The following SUSD5 variants were observed in gnomAD, a reference collection of about 807,000 sequenced individuals.
SUSD5 encodes the protein sushi domain containing 5.
A neutral mutation model predicts 29.5 loss-of-function variants in SUSD5; 33 were observed. That is an observed-to-expected ratio of 1.12 (90% CI 0.85 to 1.49). The LOEUF is 1.49. Ranked by LOEUF, SUSD5 falls within the 40% of genes most tolerant of loss-of-function variation. SUSD5 has a pLI of 0.00. For missense variants in SUSD5, 776 were observed against 800.6 expected, an observed-to-expected ratio of 0.97 and a Z score of 0.37; for synonymous variants, 308 against 325.3, an observed-to-expected ratio of 0.95 and a Z score of 0.57.
rs2030974377 is a variant in SUSD5, at chr3:33,153,677, A to G, written c.955T>C (p.Ser319Pro). ...EVDDDTKKQF[S>P]AGDNHSGVKL... ...ACACCACTGTGGTTGTCTCCAGCAGAAAACTGCTTTTTGGTGTCATCATCC... is the reference window on the plus strand; with the variant it reads ...ACACCACTGTGGTTGTCTCCAGCAGGAAACTGCTTTTTGGTGTCATCATCC... Residue 319 changes from serine to proline, a missense_variant, in exon 5 of 5, where the codon TCT (serine) becomes CCT (proline). Coordinates refer to ENST00000309558, the MANE Select transcript of SUSD5 (RefSeq NM_015551.2). The G allele has an allele frequency of 6.2e-7, 1 of 1,613,894 alleles. No homozygotes were observed.
chr3:33,150,703 C>G lies in SUSD5; in HGVS notation c.*2039G>C, dbSNP rs2030853013. ...AATAAGATCTTTGATTATGCTGCCT[C>G]TCTTTACAGCTACTTCGCCTATTAC... On this transcript the variant is annotated 3_prime_UTR_variant, in exon 5 of 5. Coordinates refer to ENST00000309558, the MANE Select transcript of SUSD5 (RefSeq NM_015551.2). 1 of 152,214 alleles carries G rather than the reference C, an allele frequency of 6.6e-6. No individual in the cohort carries two copies. The highest frequency in any genetic ancestry group is 2.1e-4 in the South Asian group (1 of 4,834). The allele number at this position is 152,214 out of a possible 1,614,324, so 9.4% of individuals were successfully genotyped here.
intron 3 of SUSD5, among the ~76,000 whole-genome samples, chr3:33,193,881 A>C (rs1027513639): frequency 4.6e-5 from 7 of 151,670 alleles, no homozygotes; most frequent in Admixed American, 1.3e-4. Context: ...CCTGAAACAA[A>C]CCCCCCCACC....
intron 3 of SUSD5, among the ~76,000 whole-genome samples, chr3:33,199,214 T>TCA (rs35522769): frequency 0.36 from 52,616 of 147,740 alleles, 9,556 homozygotes; most frequent in South Asian, 0.42. Flanking sequence ...GGGGAGAATT[T>TCA]CACACACACA....
chr3:33,180,636 G>A (rs866019896), intron 3 of SUSD5, among the ~76,000 whole-genome samples: 10 of 152,034 alleles, frequency 6.6e-5, no homozygotes, highest in African/African-American at 2.2e-4. Flanking sequence ...AGACCAGCCT[G>A]GCCAACATGG....
intron 3 of SUSD5, among the ~76,000 whole-genome samples, chr3:33,183,364 T>C (rs1483738958): frequency 6.6e-6 from 1 of 152,222 alleles, no homozygotes; most frequent in Non-Finnish European, 1.5e-5. Flanking sequence ...TTTTATATAA[T>C]TCCATTTTCT....
At chr3:33,163,063 C>T (rs1260663829) in intron 4 of SUSD5, among the ~76,000 whole-genome samples, 1 of 152,078 alleles carries the variant, frequency 6.6e-6, no homozygotes, top group Non-Finnish European at 1.5e-5. Context: ...TCTCCACACA[C>T]ACAAAACTCT....
intron 3 of SUSD5, among the ~76,000 whole-genome samples, chr3:33,187,798 C>T (rs2031811075): frequency 7.1e-6 from 1 of 140,976 alleles, no homozygotes; most frequent in South Asian, 2.8e-4. Context: ...TGCTATCCTT[C>T]CCCCCTCCCC....
intron 3 of SUSD5, among the ~76,000 whole-genome samples, chr3:33,176,428 T>C (rs1248441000): frequency 6.6e-6 from 1 of 152,200 alleles, no homozygotes; most frequent in African/African-American, 2.4e-5. Flanking sequence ...CCAAACTGTC[T>C]TCCAAAATGG....
At chr3:33,202,399 T>C (rs191606364) in intron 3 of SUSD5, among the ~76,000 whole-genome samples, 1 of 152,266 alleles carries the variant, frequency 6.6e-6, no homozygotes, top group Admixed American at 6.5e-5. Context: ...CAGGGGAGCA[T>C]CCAGCTCTCT....
rs1575530293 is a variant in SUSD5 at position 33,167,533 on chromosome 3, T to G, written c.598+7353A>C. On this transcript the variant is annotated intron_variant, in intron 4 of 4. Transcript: ENST00000309558. The surrounding 1 kb of genome is among the most constrained non-coding windows in gnomAD (Gnocchi z 4.1). ...GAGCTCCCTGAGGCTACAGCAACCC[T>G]GGGCAGAAGCCCAGGGCCCCGAACT... is the stretch of plus-strand genomic sequence containing the variant. Among the ~76,000 whole-genome samples, 1 of 152,280 alleles carries G rather than the reference T, an allele frequency of 6.6e-6. No homozygotes were observed. The highest frequency in any genetic ancestry group is 2.4e-5 in the African/African-American group (1 of 41,556).
At position 33,152,847 on chromosome 3, in the gene SUSD5, C is replaced by T. The variant is rs369555921; in HGVS notation, c.1785G>A (p.Val595=). The T allele has an allele frequency of 2.5e-5, 40 of 1,613,912 alleles. No homozygotes were observed. The highest frequency in any genetic ancestry group is 8.3e-5 in the Admixed American group (5 of 60,014). ...LLLLLAGVGM[V]WGYRKCQHKS... is the part of the protein sequence containing the mutation. ...TGTGCTGGCACTTGCGGTAGCCCCA[C>T]ACCATCCCCACACCTGCCAGGAGCA... The change falls in exon 5 of 5, where the codon GTG becomes GTA. Residue 595 remains valine, a synonymous_variant. Coordinates refer to ENST00000309558, the MANE Select transcript of SUSD5 (RefSeq NM_015551.2).
chr3:33,181,883 G>A (rs558805573), intron 3 of SUSD5, among the ~76,000 whole-genome samples: 7 of 152,268 alleles, frequency 4.6e-5, no homozygotes, highest in African/African-American at 1.4e-4. Context: ...TACACTCTAC[G>A]ATGTTCACAC....
chr3:33,161,733 G>A (rs1361870798), intron 4 of SUSD5, among the ~76,000 whole-genome samples: 1 of 152,112 alleles, frequency 6.6e-6, no homozygotes, highest in African/African-American at 2.4e-5. Flanking sequence ...ATACTTAGTA[G>A]AGATAAAGAA....
intron 3 of SUSD5, among the ~76,000 whole-genome samples, chr3:33,183,070 C>T (rs1460805443): frequency 6.6e-6 from 1 of 152,162 alleles, no homozygotes; most frequent in Admixed American, 6.5e-5. Flanking sequence ...GCTGGGATTA[C>T]AGGCGTGAGC....
intron 3 of SUSD5, among the ~76,000 whole-genome samples, chr3:33,200,587 C>A (rs1353802302): frequency 1.3e-5 from 2 of 152,124 alleles, no homozygotes; most frequent in Non-Finnish European, 2.9e-5. Context: ...GACTACCTTG[C>A]CACGAATGGA....
chr3:33,159,065 T>C (rs1002158865), intron 4 of SUSD5, among the ~76,000 whole-genome samples: 2 of 152,182 alleles, frequency 1.3e-5, no homozygotes, highest in African/African-American at 2.4e-5. Flanking sequence ...TCACTGACTG[T>C]TGGGAGTAAA....
intron 3 of SUSD5, among the ~76,000 whole-genome samples, chr3:33,195,315 A>G (rs998737989): frequency 2.0e-5 from 3 of 152,212 alleles, no homozygotes; most frequent in Non-Finnish European, 2.9e-5. Flanking sequence ...CGCTTGTCCT[A>G]TAATTCTTCT....
rs530264843 is a variant in SUSD5, at chr3:33,181,235, C to G, written c.410-6161G>C. ...TGTTTATAAAGTCTGCAGTAGTATACAGTAACGTCCTAGGCCTTCACATTC... is the reference window on the plus strand; with the variant it reads ...TGTTTATAAAGTCTGCAGTAGTATAGAGTAACGTCCTAGGCCTTCACATTC... On this transcript the variant is annotated intron_variant, in intron 3 of 4. Transcript: ENST00000309558. Among the ~76,000 whole-genome samples, 3 of 152,118 alleles carry G rather than the reference C, an allele frequency of 2.0e-5. No individual in the cohort carries two copies. In the South Asian group the frequency reaches 6.2e-4, roughly 32 times the overall value.
intron 1 of SUSD5, among the ~76,000 whole-genome samples, chr3:33,215,822 C>T (rs1206195806): frequency 6.6e-6 from 1 of 152,110 alleles, no homozygotes; most frequent in East Asian, 1.9e-4. Context: ...GGGCCAAAAA[C>T]TTATGGAGAA....
Sources: allele counts gnomAD v4.1 joint callset (sites outside exome capture counted in the v4.1 genomes callset), GRCh38; gene constraint gnomAD v4.1.1; non-coding constraint Gnocchi (gnomAD v3.1); transcripts MANE v1.5; gene names NCBI Gene and HGNC (gene_info 2026-07-23, HGNC 2026-07-21).